The following BTN3A3 variants were observed in gnomAD, a reference collection of about 807,000 sequenced individuals.
BTN3A3 encodes butyrophilin 3.
A neutral mutation model predicts 43.2 loss-of-function variants in BTN3A3; 39 were observed. The observed-to-expected ratio is 0.90, with a 90% CI of 0.70 to 1.18. The LOEUF is 1.18. Among genes scored for constraint, BTN3A3 ranks in the 50% most tolerant of loss-of-function variants. The pLI is 0.00. For missense variants in BTN3A3, 631 were observed against 722.8 expected (o/e 0.87, Z 1.46); for synonymous variants, 255 against 272.7 (o/e 0.93, Z 0.64).
At chr6:26,442,246 A>G (rs1762656226) in intron 1 of BTN3A3, among the ~76,000 whole-genome samples, 1 of 152,180 alleles carries the variant, frequency 6.6e-6, no homozygotes, top group Non-Finnish European at 1.5e-5. Flanking sequence ...AGGAGTTAGT[A>G]TTTACTGAGC....
In BTN3A3 at chr6:26,452,028, C is replaced by G. The variant is rs1427868251; in HGVS notation, c.1372C>G (p.Pro458Ala). 2 of 1,614,022 alleles carry G rather than the reference C, an allele frequency of 1.2e-6. No individual in the cohort carries two copies. Among genetic ancestry groups the G allele is most frequent in the Admixed American group, 1.7e-5 (1 of 59,988 alleles). The change falls in exon 11 of 11, where the codon CCT (proline) becomes GCT (alanine). Residue 458 changes from proline (P) to alanine (A), a missense_variant. Around this residue, in one of 2 missense-constraint regions of BTN3A3, gnomAD observed 551 missense variants for 584.0 expected, o/e 0.94. Transcript: ENST00000244519. ...PRTNLKLPEPPRKVGIFLDYE... is the reference protein window; with the variant it reads ...PRTNLKLPEPARKVGIFLDYE... ...AACCAACCTGAAACTTCCTGAGCCT[C>G]CTAGGAAAGTGGGGATCTTCCTGGA...
intron 5 of BTN3A3, among the ~76,000 whole-genome samples, chr6:26,447,433 G>A (rs1354213092): frequency 6.6e-6 from 1 of 151,876 alleles, no homozygotes; most frequent in African/African-American, 2.4e-5. Context: ...CACAATCTTG[G>A]CTCACTGCAA....
rs906710234 is a variant in BTN3A3 at position 26,452,771 on chromosome 6, A to G, written c.*360A>G. 2.0e-5 allele frequency: 4 copies of G among 197,170 alleles called. No individual in the cohort carries two copies. The highest frequency in any genetic ancestry group is 7.0e-5 in the African/African-American group (3 of 42,594). 12.2% of individuals were successfully genotyped at this position (197,170 alleles called of 1,614,324 possible). On this transcript the variant is annotated 3_prime_UTR_variant, in exon 11 of 11. Coordinates refer to ENST00000244519, the MANE Select transcript of BTN3A3 (RefSeq NM_006994.5). ...GATGTTCAGCCTTAGTCCCTGGCTA[A>G]TTGCCTGTTCTTTTCCAGCCTGATT...
At chr6:26,446,928 C>T (rs1762796059) in intron 5 of BTN3A3, among the ~76,000 whole-genome samples, 1 of 152,050 alleles carries the variant, frequency 6.6e-6, no homozygotes, top group African/African-American at 2.4e-5. Flanking sequence ...GTGGTTTCAC[C>T]ATGTTGGCCA....
chr6:26,441,000 G>A lies in BTN3A3; in HGVS notation c.-67+352G>A, dbSNP rs576949156. Among the ~76,000 whole-genome samples, 4 of 152,262 alleles carry A rather than the reference G, an allele frequency of 2.6e-5. No homozygotes were observed. The South Asian group carries it at 8.3e-4, about 32-fold the overall frequency. On this transcript the variant is annotated intron_variant, in intron 1 of 10. Transcript: ENST00000244519. ...GTGGTCAGAAAAGGGCAAAAAAGTC[G>A]CTAAAATCTGTTTTGGCCAACACAA... is the stretch of plus-strand genomic sequence containing the variant.
At position 26,444,307 on chromosome 6, in the gene BTN3A3, G is replaced by A. The variant is rs769622028; in HGVS notation, c.433+3G>A. On this transcript the variant is annotated splice_donor_region_variant and intron_variant, in intron 4 of 10. Coordinates refer to ENST00000244519, the MANE Select transcript of BTN3A3 (RefSeq NM_006994.5). ...CCTGGTGGAGCTGAAGGTTGCAGGT[G>A]AGCCTCCAGGTTTTGTTCTGAGAAC... 8 of 1,611,936 alleles carry A rather than the reference G, an allele frequency of 5.0e-6. No individual in the cohort carries two copies. The highest frequency in any genetic ancestry group is 5.1e-6 in the Non-Finnish European group (6 of 1,179,878).
At chr6:26,450,042 A>T (rs1762887417) in intron 9 of BTN3A3, 65 bp from the exon 10 acceptor site, 7 of 1,525,606 alleles carry the variant, frequency 4.6e-6, no homozygotes, top group Non-Finnish European at 6.4e-6. Context: ...TAGTGAAAGG[A>T]GAATGGAGTG....
At chr6:26,445,418 T>C in intron 4 of BTN3A3, 1 of 383,052 alleles carries the variant, frequency 2.6e-6, no homozygotes, top group Non-Finnish European at 4.8e-6. Flanking sequence ...AGGTCACAAG[T>C]CAACTCAAGA....
chr6:26,448,723 T>C lies in BTN3A3; in HGVS notation c.938-5T>C. 6.2e-7 allele frequency: 1 copy of C among 1,614,038 alleles called. No homozygotes were observed. The highest frequency in any genetic ancestry group is 8.5e-7 in the Non-Finnish European group (1 of 1,179,984). Reference sequence around the variant, plus strand: ...GATAACCCTTCCCTATTCATTCCATTGCAGAGTGGAGGAAAATCCAGTACA... The same window carrying C: ...GATAACCCTTCCCTATTCATTCCATCGCAGAGTGGAGGAAAATCCAGTACA... On this transcript the variant is annotated splice_polypyrimidine_tract_variant and splice_region_variant and intron_variant, in intron 7 of 10. Coordinates refer to ENST00000244519, the MANE Select transcript of BTN3A3 (RefSeq NM_006994.5).
chr6:26,442,100 C>T (rs927805324), intron 1 of BTN3A3, among the ~76,000 whole-genome samples: 2 of 152,126 alleles, frequency 1.3e-5, no homozygotes, highest in Non-Finnish European at 2.9e-5. Flanking sequence ...ACCTCTGTTC[C>T]GGTGCTTTCT....
Position 26,452,709 on chromosome 6 carries a change from A to C in BTN3A3, c.*298A>C. The C allele has an allele frequency of 3.0e-6, 1 of 331,192 alleles. No individual in the cohort carries two copies. Among genetic ancestry groups the C allele is most frequent in the Non-Finnish European group, 5.5e-6 (1 of 180,364 alleles). 20.5% of individuals were successfully genotyped at this position (331,192 alleles called of 1,614,324 possible). A position where few individuals can be genotyped will look rare whatever the true frequency, so the allele number is the denominator to read the frequency against. Reference sequence around the variant, plus strand: ...AGCTGAGGCAGGGCAACATGAAGTAACTTACATAACTCATACAGTAATTTG... The same window carrying C: ...AGCTGAGGCAGGGCAACATGAAGTACCTTACATAACTCATACAGTAATTTG... On this transcript the variant is annotated 3_prime_UTR_variant, in exon 11 of 11. Transcript: ENST00000244519.
intron 1 of BTN3A3, among the ~76,000 whole-genome samples, chr6:26,442,545 A>G (rs756926436): frequency 3.9e-5 from 6 of 152,118 alleles, no homozygotes; most frequent in Non-Finnish European, 7.4e-5. Context: ...GTGTATCACC[A>G]TTATCTAGGT....
chr6:26,452,629 C>T lies in BTN3A3; in HGVS notation c.*218C>T. 2 of 536,136 alleles carry T rather than the reference C, an allele frequency of 3.7e-6. No individual in the cohort carries two copies. Among genetic ancestry groups the T allele is most frequent in the Non-Finnish European group, 6.5e-6 (2 of 306,924 alleles). The allele number at this position is 536,136 out of a possible 1,614,324, so 33.2% of individuals were successfully genotyped here. ...CTGTGTTATAAGCTTTGGTGGATGT[C>T]ACTCCTTTAATCCTCACAACACCCT... On this transcript the variant is annotated 3_prime_UTR_variant, in exon 11 of 11. Coordinates refer to ENST00000244519, the MANE Select transcript of BTN3A3 (RefSeq NM_006994.5).
chr6:26,449,977 A>G, intron 9 of BTN3A3, 130 bp from the exon 10 acceptor site: 1 of 1,118,908 alleles, frequency 8.9e-7, no homozygotes, highest in Non-Finnish European at 1.3e-6. Flanking sequence ...TCAGAGCTGT[A>G]GAGGAAGGAA....
chr6:26,448,195 C>T, intron 5 of BTN3A3, 53 bp from the exon 6 acceptor site: 6 of 1,589,412 alleles, frequency 3.8e-6, no homozygotes, highest in Non-Finnish European at 5.1e-6. Context: ...GGTGCTGAGG[C>T]TGGGGAGGCT....
At chr6:26,445,374 A>G (rs375918182) in intron 4 of BTN3A3, 3 of 293,934 alleles carry the variant, frequency 1.0e-5, no homozygotes, top group Non-Finnish European at 1.9e-5. Context: ...CCTTCCTGCA[A>G]GATTCCCTCA....
intron 4 of BTN3A3, chr6:26,444,955 G>A (rs1762737051): frequency 6.1e-6 from 1 of 163,392 alleles, no homozygotes; most frequent in Non-Finnish European, 1.4e-5. Flanking sequence ...GAGAGTGGGA[G>A]CCTTAATCAA....
chr6:26,445,809 G>A lies in BTN3A3; in HGVS notation c.539G>A (p.Ser180Asn). 1.2e-6 allele frequency: 2 copies of A among 1,614,206 alleles called. No homozygotes were observed. The highest frequency in any genetic ancestry group is 2.7e-5 in the African/African-American group (2 of 75,034). Residue 180 changes from serine (S) to asparagine (N), a missense_variant, in exon 5 of 11, where the codon AGC becomes AAC. By Grantham distance (46) the Ser-to-Asn change is conservative. Coordinates refer to ENST00000244519, the MANE Select transcript of BTN3A3 (RefSeq NM_006994.5). Reference sequence around the variant, plus strand: ...TACCCCCAACCCCAAATAAAGTGGAGCGACACCAAGGGAGAGAACATCCCG... The same window carrying A: ...TACCCCCAACCCCAAATAAAGTGGAACGACACCAAGGGAGAGAACATCCCG... ...GWYPQPQIKW[S>N]DTKGENIPAV...
At chr6:26,450,304 C>T (rs1006373310) in intron 10 of BTN3A3, 171 bp downstream of exon 10, 4 of 727,332 alleles carry the variant, frequency 5.5e-6, no homozygotes, top group South Asian at 1.9e-5. Context: ...AGACCCTTCC[C>T]GCTGAGAGCC....
Sources: gnomAD v4.1 joint callset for allele counts (sites outside exome capture counted in the v4.1 genomes callset) on GRCh38, gnomAD v4.1.1 for gene constraint, gnomAD v4.1.1 regional missense constraint, MANE v1.5 for transcripts, NCBI Gene and HGNC (gene_info 2026-07-23, HGNC 2026-07-21) for gene names.